The following ARPP21 variants were observed in gnomAD, a reference collection of about 807,000 sequenced individuals.
The protein encoded by ARPP21 is cAMP regulated phosphoprotein 21.
A neutral mutation model predicts 113.2 loss-of-function variants in ARPP21; 69 were observed. The observed-to-expected ratio is 0.61, with a 90% CI of 0.50 to 0.74. The LOEUF (loss-of-function observed/expected upper bound fraction) is 0.74, where lower values mean the gene tolerates loss of function less well. ARPP21 is among the 30% of genes least tolerant of loss of function. The pLI, the probability that ARPP21 is intolerant of heterozygous loss-of-function variation, is 0.00. For missense variants in ARPP21, 1,070 were observed against 1,037.4 expected (o/e 1.03, Z -0.43); for synonymous variants, 368 against 375.5 (o/e 0.98, Z 0.23).
intron 9 of ARPP21, among the ~76,000 whole-genome samples, chr3:35,691,265 C>T (rs964664424): frequency 6.6e-6 from 1 of 151,596 alleles, no homozygotes; most frequent in South Asian, 2.1e-4. Context: ...TTTCTTCCAT[C>T]AGTACTCTAT....
At chr3:35,755,186 AT>A (rs1433837485) in intron 19 of ARPP21, among the ~76,000 whole-genome samples, 1 of 151,880 alleles carries the variant, frequency 6.6e-6, no homozygotes, top group Non-Finnish European at 1.5e-5. Context: ...TTTCTTGTTA[AT>A]TTTTTGAGAG....
intron 1 of ARPP21, among the ~76,000 whole-genome samples, chr3:35,653,490 T>A (rs1334575951): frequency 5.3e-5 from 8 of 152,010 alleles, no homozygotes; most frequent in Non-Finnish European, 1.0e-4. Context: ...TTTGTCTGCA[T>A]GCTTCACAGA....
At chr3:35,661,747 A>G (rs530508285) in intron 1 of ARPP21, among the ~76,000 whole-genome samples, 1 of 152,276 alleles carries the variant, frequency 6.6e-6, no homozygotes, top group Admixed American at 6.5e-5. Context: ...GGCACAGTGG[A>G]TGCCTTTGTA....
chr3:35,725,027 TG>T (rs1287142864), intron 14 of ARPP21, among the ~76,000 whole-genome samples: 1 of 152,234 alleles, frequency 6.6e-6, no homozygotes, highest in Admixed American at 6.5e-5. Flanking sequence ...ATCAAGACTA[TG>T]ATCTCTCTTT....
intron 19 of ARPP21, chr3:35,792,067 T>G: frequency 5.1e-6 from 1 of 195,820 alleles, no homozygotes; most frequent in Non-Finnish European, 1.0e-5. Flanking sequence ...AAAGGTGTAA[T>G]TTATAGTAGT....
Position 35,707,073 on chromosome 3 carries a change from A to G in ARPP21, c.786A>G (p.Glu262=). 1 of 1,612,560 alleles carries G rather than the reference A, an allele frequency of 6.2e-7. No homozygotes were observed. Among genetic ancestry groups the G allele is most frequent in the Non-Finnish European group, 8.5e-7 (1 of 1,179,154 alleles). The change falls in exon 10 of 21, where the codon GAA becomes GAG. Residue 262 remains glutamate (E), a synonymous_variant. Transcript: ENST00000684406. ...GAGATAACTCTAGTATTGATAAAGA[A>G]GACAATCAGGTTGGTTCTCAAGTTT... The part of the protein sequence containing the change: ...LKRDNSSIDK[E]DNQQNRMHPF...
Position 35,794,124 on chromosome 3 carries a change from T to C in ARPP21, c.*166T>C, listed in dbSNP as rs2096797198. The C allele has an allele frequency of 6.1e-6, 4 of 650,686 alleles. No homozygotes were observed. The highest frequency in any genetic ancestry group is 5.5e-5 in the East Asian group (2 of 36,468). 40.3% of individuals were successfully genotyped at this position (650,686 alleles called of 1,614,324 possible). ...AAAGACTAATATACACGTTAGCTGGTTAATGGTGCATATTTCTGTCATGTC... is the reference window on the plus strand; with the variant it reads ...AAAGACTAATATACACGTTAGCTGGCTAATGGTGCATATTTCTGTCATGTC... On this transcript the variant is annotated 3_prime_UTR_variant, in exon 21 of 21. Coordinates refer to ENST00000684406, the MANE Select transcript of ARPP21 (RefSeq NM_001385562.1).
intron 1 of ARPP21, among the ~76,000 whole-genome samples, chr3:35,668,000 A>G (rs1327271444): frequency 1.3e-5 from 2 of 150,186 alleles, no homozygotes; most frequent in South Asian, 2.1e-4. Flanking sequence ...GAAGAAGAAG[A>G]AGAAGAAGAA....
intron 11 of ARPP21, among the ~76,000 whole-genome samples, chr3:35,714,634 C>G (rs890614429): frequency 4.6e-5 from 7 of 152,132 alleles, no homozygotes; most frequent in African/African-American, 1.7e-4. Flanking sequence ...AGCACCATAT[C>G]TTGTCTAGAC....
chr3:35,729,614 G>A, intron 15 of ARPP21, 78 bp downstream of exon 15: 3 of 1,297,886 alleles, frequency 2.3e-6, no homozygotes, highest in Non-Finnish European at 3.3e-6. Context: ...GAATTTGCTA[G>A]CAAGTATTCT....
chr3:35,680,454 A>C (rs559156538), intron 2 of ARPP21, among the ~76,000 whole-genome samples: 1 of 152,032 alleles, frequency 6.6e-6, no homozygotes, highest in African/African-American at 2.4e-5. Flanking sequence ...TTTTAAAGAT[A>C]TCATTAGATA....
intron 1 of ARPP21, among the ~76,000 whole-genome samples, chr3:35,648,842 A>G (rs574021425): frequency 5.9e-5 from 9 of 152,352 alleles, no homozygotes; most frequent in South Asian, 4.1e-4. Context: ...TAGCCTAATC[A>G]ACTATTTATC....
intron 1 of ARPP21, among the ~76,000 whole-genome samples, chr3:35,664,371 TA>T (rs1371546333): frequency 2.6e-5 from 4 of 152,188 alleles, no homozygotes; most frequent in African/African-American, 9.7e-5. Flanking sequence ...AGTTACCCTA[TA>T]GAGCAATTTC....
upstream of ARPP21, chr3:35,639,468 G>C (rs1452952000): frequency 1.3e-5 from 2 of 152,242 alleles, no homozygotes; most frequent in African/African-American, 4.8e-5. This position sits in a 1 kb window ranked among gnomAD's most constrained non-coding sequence, Gnocchi z 5.0. Context: ...GAGGAGCCGG[G>C]CGCCGCCCCC....
chr3:35,723,591 A>C (rs1380830337), intron 14 of ARPP21, among the ~76,000 whole-genome samples: 1 of 152,202 alleles, frequency 6.6e-6, no homozygotes, highest in Non-Finnish European at 1.5e-5. Flanking sequence ...AATCTCCTTA[A>C]AATGTGAAAA....
chr3:35,696,322 G>C (rs1340073702), intron 9 of ARPP21, among the ~76,000 whole-genome samples: 1 of 151,608 alleles, frequency 6.6e-6, no homozygotes, highest in Non-Finnish European at 1.5e-5. Context: ...TGAGCAAACT[G>C]ATGCCTTTAG....
chr3:35,639,430 G>A (rs1697457319), upstream of ARPP21, among the ~76,000 whole-genome samples: 1 of 151,998 alleles, frequency 6.6e-6, no homozygotes, highest in South Asian at 2.1e-4. The surrounding 1 kb of genome is among the most constrained non-coding windows in gnomAD (Gnocchi z 5.0). Context: ...CAGCCCGGGC[G>A]GGGACCGGAC....
chr3:35,689,333 A>G lies in ARPP21; in HGVS notation c.433A>G (p.Thr145Ala). ...TTGCAGCCAAGAATACACGGATTCTACAGGCATAGACTTACACGAGTTTCT... is the reference window on the plus strand; with the variant it reads ...TTGCAGCCAAGAATACACGGATTCTGCAGGCATAGACTTACACGAGTTTCT... ...KDCSQEYTDSTGIDLHEFLIN... is the reference protein window; with the variant it reads ...KDCSQEYTDSAGIDLHEFLIN... The change falls in exon 7 of 21, where the codon ACA becomes GCA. Residue 145 changes from threonine (T) to alanine (A), a missense_variant. Physicochemically the swap from Thr to Ala is moderately conservative, Grantham distance 58. Coordinates refer to ENST00000684406, the MANE Select transcript of ARPP21 (RefSeq NM_001385562.1). The G allele has an allele frequency of 6.3e-7, 1 of 1,584,154 alleles. No homozygotes were observed. The highest frequency in any genetic ancestry group is 8.7e-7 in the Non-Finnish European group (1 of 1,153,658).
At chr3:35,641,695 G>A (rs1352139544) in intron 1 of ARPP21, 7 of 152,110 alleles carry the variant, frequency 4.6e-5, no homozygotes, top group Admixed American at 3.3e-4. Flanking sequence ...GTGTATGTGG[G>A]TTTTCAAGGT....
Sources: gnomAD v4.1 joint callset for allele counts (sites outside exome capture counted in the v4.1 genomes callset) on GRCh38, gnomAD v4.1.1 for gene constraint, Gnocchi (gnomAD v3.1) non-coding constraint, MANE v1.5 for transcripts, NCBI Gene and HGNC (gene_info 2026-07-23, HGNC 2026-07-21) for gene names.